Variants in DLG2 observed in about 807,000 individuals in gnomAD.
DLG2 encodes discs large MAGUK scaffold protein 2.
Under a neutral mutation model 132.5 loss-of-function variants are expected in DLG2, and 45 were observed. The observed-to-expected ratio is 0.34, with a 90% confidence interval of 0.27 to 0.44. DLG2 has a LOEUF of 0.44. Ranked by LOEUF, DLG2 falls within the 20% of genes least tolerant of loss-of-function variation. The pLI, the probability that DLG2 is intolerant of heterozygous loss-of-function variation, is 1.00. For missense variants in DLG2, 1,045 were observed against 1,196.9 expected, an observed-to-expected ratio of 0.87 and a Z score of 1.87; for synonymous variants, 424 against 419.6, an observed-to-expected ratio of 1.01 and a Z score of -0.13.
chr11:84,725,711 C>T (rs957314114), intron 6 of DLG2, among the ~76,000 whole-genome samples: 5 of 151,938 alleles, frequency 3.3e-5, no homozygotes, highest in East Asian at 1.9e-4. Flanking sequence ...TTTCTTGTTC[C>T]GTAAAATGGT....
chr11:83,982,201 T>A (rs1415321792), intron 11 of DLG2, among the ~76,000 whole-genome samples: 1 of 152,164 alleles, frequency 6.6e-6, no homozygotes, highest in Non-Finnish European at 1.5e-5. Context: ...CTATGCTTTT[T>A]ATTGTTATAT....
chr11:83,855,286 A>C (rs993340745), intron 16 of DLG2, among the ~76,000 whole-genome samples: 2 of 152,220 alleles, frequency 1.3e-5, no homozygotes, highest in African/African-American at 4.8e-5. Context: ...ACATACTCTT[A>C]CTATATGATC....
At chr11:85,598,587 G>A (rs1034041142) in intron 3 of DLG2, 70 bp downstream of exon 3, 2 of 1,155,870 alleles carry the variant, frequency 1.7e-6, no homozygotes, top group African/African-American at 3.2e-5. Context: ...CAGGTTCTTT[G>A]ACCACATTAT....
intron 3 of DLG2, among the ~76,000 whole-genome samples, chr11:85,383,951 T>C (rs1428539139): frequency 6.6e-6 from 1 of 152,204 alleles, no homozygotes; most frequent in Non-Finnish European, 1.5e-5. Flanking sequence ...ATCTGAACTA[T>C]ACCTACTCGT....
intron 6 of DLG2, among the ~76,000 whole-genome samples, chr11:85,080,673 A>G (rs1159979472): frequency 6.6e-6 from 1 of 152,120 alleles, no homozygotes; most frequent in African/African-American, 2.4e-5. Context: ...AGGTAGGTGT[A>G]TGCAGAGTCA....
intron 6 of DLG2, among the ~76,000 whole-genome samples, chr11:84,597,629 A>T (rs1332063904): frequency 6.6e-6 from 1 of 152,220 alleles, no homozygotes; most frequent in African/African-American, 2.4e-5. Context: ...AGTGGCAACC[A>T]TGAACCATTA....
intron 6 of DLG2, among the ~76,000 whole-genome samples, chr11:85,018,678 C>T (rs953544578): frequency 6.6e-6 from 1 of 152,008 alleles, no homozygotes; most frequent in Non-Finnish European, 1.5e-5. Flanking sequence ...AATATTCATG[C>T]TCTGATGGCC....
intron 6 of DLG2, among the ~76,000 whole-genome samples, chr11:84,619,828 A>T (rs938078105): frequency 1.3e-5 from 2 of 151,744 alleles, no homozygotes; most frequent in African/African-American, 4.8e-5. Context: ...AAATGCAAAA[A>T]TAGTCTATAT....
chr11:84,462,588 T>C (rs1041339454), intron 7 of DLG2, among the ~76,000 whole-genome samples: 1 of 151,102 alleles, frequency 6.6e-6, no homozygotes, highest in Non-Finnish European at 1.5e-5. Context: ...TCACAATTTA[T>C]CACATTTTCA....
At chr11:84,556,599 G>A (rs1009556803) in intron 6 of DLG2, among the ~76,000 whole-genome samples, 2 of 152,122 alleles carry the variant, frequency 1.3e-5, no homozygotes, top group African/African-American at 2.4e-5. Flanking sequence ...GCCCACATTC[G>A]AAGCTGTCCT....
rs565162982 is a variant in DLG2 at position 84,779,192 on chromosome 11, G to A, written c.358-244461C>T. Among the ~76,000 whole-genome samples the A allele has an allele frequency of 5.2e-5, 7 of 135,732 alleles. No homozygotes were observed. The East Asian group carries it at 1.4e-3, about 27-fold the overall frequency. 89.0% of individuals were successfully genotyped at this position (135,732 alleles called of 152,430 possible). A position where few individuals can be genotyped will look rare whatever the true frequency, so the allele number is the denominator to read the frequency against. On this transcript the variant is annotated intron_variant, in intron 6 of 27. Coordinates refer to ENST00000376104, the MANE Select transcript of DLG2 (RefSeq NM_001142699.3). ...TTCCCTTTCTCATATATATATATGT[G>A]CGCACACACACACACACACACATAT...
At chr11:83,883,847 G>A (rs936665101) in intron 15 of DLG2, among the ~76,000 whole-genome samples, 1 of 149,308 alleles carries the variant, frequency 6.7e-6, no homozygotes, top group African/African-American at 2.4e-5. Flanking sequence ...TCTTCACAAA[G>A]AAAATGAAAA....
At chr11:83,548,367 T>G (rs980508217) in intron 19 of DLG2, among the ~76,000 whole-genome samples, 2 of 152,056 alleles carry the variant, frequency 1.3e-5, no homozygotes, top group African/African-American at 4.8e-5. Context: ...AAAGGCAGAA[T>G]AGAGATGGAA....
chr11:84,845,879 C>A (rs2081402811), intron 6 of DLG2, among the ~76,000 whole-genome samples: 1 of 151,860 alleles, frequency 6.6e-6, no homozygotes, highest in African/African-American at 2.4e-5. Context: ...AGGGTTTCAC[C>A]ACGTTGGCCA....
At chr11:83,763,119 T>C (rs952626509) in intron 18 of DLG2, among the ~76,000 whole-genome samples, 26 of 152,318 alleles carry the variant, frequency 1.7e-4, no homozygotes, top group African/African-American at 5.3e-4. Flanking sequence ...TATGGTGCAT[T>C]ACATACTGTT....
chr11:84,641,830 C>T (rs181828437), intron 6 of DLG2, among the ~76,000 whole-genome samples: 9 of 151,828 alleles, frequency 5.9e-5, no homozygotes, highest in South Asian at 4.2e-4. Context: ...AAATTCTATA[C>T]GAGTTTGTTG....
rs1275269467 is a variant in DLG2, at chr11:84,654,560, AG to A, written c.358-119830del. Among the ~76,000 whole-genome samples the A allele has an allele frequency of 4.6e-5, 7 of 152,322 alleles. No homozygotes were observed. In the East Asian group the frequency reaches 1.3e-3, roughly 29 times the overall value. Reference sequence around the variant, plus strand: ...ATGGTACATAATAAATCTTGCCTATAGTCACCATTTAGTAAGTCCTGTCATT... The same window carrying A: ...ATGGTACATAATAAATCTTGCCTATATCACCATTTAGTAAGTCCTGTCATT... On this transcript the variant is annotated intron_variant, in intron 6 of 27. Coordinates refer to ENST00000376104, the MANE Select transcript of DLG2 (RefSeq NM_001142699.3).
At chr11:85,382,124 A>G (rs2085943284) in intron 3 of DLG2, among the ~76,000 whole-genome samples, 1 of 152,146 alleles carries the variant, frequency 6.6e-6, no homozygotes. Flanking sequence ...CCCTATTTCA[A>G]AACTTACTTC....
At chr11:85,095,488 A>C (rs900511882) in intron 6 of DLG2, among the ~76,000 whole-genome samples, 2 of 152,164 alleles carry the variant, frequency 1.3e-5, no homozygotes, top group Non-Finnish European at 2.9e-5. Context: ...AACACTTCTC[A>C]GTCCTTAATT....
Sources: allele counts gnomAD v4.1 joint callset (sites outside exome capture counted in the v4.1 genomes callset), GRCh38; gene constraint gnomAD v4.1.1; transcripts MANE v1.5; gene names NCBI Gene and HGNC (gene_info 2026-07-23, HGNC 2026-07-21).